Variants in CFTR observed in about 807,000 individuals in gnomAD.
CFTR encodes CF transmembrane conductance regulator.
In CFTR, 181 loss-of-function variants were observed where a neutral mutation model predicts 171.6. The ratio of observed to expected loss-of-function variants is 1.05; its 90% CI spans 0.93 to 1.19. The LOEUF is 1.19. Ranked by LOEUF, CFTR falls within the 50% of genes most tolerant of loss-of-function variation. The pLI is 0.00. For synonymous variants in CFTR, 583 were observed against 608.0 expected (o/e 0.96, Z 0.60); for missense variants, 1,968 against 1,734.7 (o/e 1.13, Z -2.39).
chr7:117,659,264 T>C (rs1793227715), intron 24 of CFTR, among the ~76,000 whole-genome samples: 1 of 152,182 alleles, frequency 6.6e-6, no homozygotes, highest in Non-Finnish European at 1.5e-5. Flanking sequence ...GTGTACCCTA[T>C]AACTCCACCC....
At position 117,591,995 on chromosome 7, in the gene CFTR, T is replaced by A. The variant is rs771007967; in HGVS notation, c.1828T>A (p.Leu610Ile). 1.9e-6 allele frequency: 3 copies of A among 1,595,396 alleles called. No homozygotes were observed. The highest frequency in any genetic ancestry group is 2.6e-6 in the Non-Finnish European group (3 of 1,175,168). ...RILVTSKMEH[L>I]KKADKILILH... ...TTTGGTCACTTCTAAAATGGAACAT[T>A]TAAAGAAAGCTGACAAAATATTAAT... The change falls in exon 14 of 27, where the codon TTA becomes ATA. Residue 610 changes from leucine (L) to isoleucine (I), a missense_variant. Coordinates refer to ENST00000003084, the MANE Select transcript of CFTR (RefSeq NM_000492.4).
chr7:117,604,552 C>T (rs1792275151), intron 17 of CFTR, among the ~76,000 whole-genome samples: 1 of 152,098 alleles, frequency 6.6e-6, no homozygotes, highest in African/African-American at 2.4e-5. Flanking sequence ...GACACAGAAA[C>T]ATTTGATATA....
At chr7:117,486,894 G>A (rs770087300) in intron 1 of CFTR, among the ~76,000 whole-genome samples, 3 of 99,218 alleles carry the variant, frequency 3.0e-5, no homozygotes, top group Admixed American at 1.2e-4. Context: ...GGGAGGGGGC[G>A]GGGAGAGAGA....
At chr7:117,539,436 T>G (rs1477522729) in intron 7 of CFTR, among the ~76,000 whole-genome samples, 1 of 152,074 alleles carries the variant, frequency 6.6e-6, no homozygotes, top group Non-Finnish European at 1.5e-5. Flanking sequence ...TTTTTTTGTT[T>G]CAAACGCAAA....
chr7:117,603,491 A>G, intron 16 of CFTR, 41 bp from the exon 17 acceptor site: 2 of 1,612,338 alleles, frequency 1.2e-6, no homozygotes, highest in East Asian at 4.5e-5. Context: ...TTCAGTAAGT[A>G]ACTTTGGCTG....
chr7:117,612,025 A>ATG lies in CFTR; in HGVS notation c.3367+218_3367+219insGT, dbSNP rs1367110526. ...AAATCGGATATATATATATATATGT[A>ATG]TATATATATATATATATATATATAT... is the stretch of plus-strand genomic sequence containing the variant. On this transcript the variant is annotated intron_variant, in intron 20 of 26. Coordinates refer to ENST00000003084, the MANE Select transcript of CFTR (RefSeq NM_000492.4). Among the ~76,000 whole-genome samples, 79 of 42,590 alleles carry ATG rather than the reference A, an allele frequency of 1.9e-3. 1 individual carries two copies. The highest frequency in any genetic ancestry group is 9.7e-3 in the African/African-American group (53 of 5,436). 27.9% of individuals were successfully genotyped at this position (42,590 alleles called of 152,430 possible).
rs543770110 is a variant in CFTR, at chr7:117,512,356, G to A, written c.273+3214G>A. 2.6e-5 allele frequency among the ~76,000 whole-genome samples: 4 copies of A among 152,098 alleles called. No individual in the cohort carries two copies. In the South Asian group the frequency reaches 6.2e-4, roughly 24 times the overall value. On this transcript the variant is annotated intron_variant, in intron 3 of 26. Coordinates refer to ENST00000003084, the MANE Select transcript of CFTR (RefSeq NM_000492.4). ...TAAGACTCCTAGCAAGTCCGGGCAC[G>A]GGGGCTCACACCTGTAATCCCAGCA...
intron 11 of CFTR, among the ~76,000 whole-genome samples, chr7:117,581,547 T>TTA (rs773244522): frequency 6.6e-6 from 1 of 152,132 alleles, no homozygotes; most frequent in Non-Finnish European, 1.5e-5. Context: ...GGCCAGCCCT[T>TTA]TATATTAAAT....
chr7:117,526,162 C>G (rs562740923), intron 3 of CFTR, among the ~76,000 whole-genome samples: 61 of 152,048 alleles, frequency 4.0e-4, no homozygotes, highest in African/African-American at 1.4e-3. Context: ...GGCTGGATAT[C>G]TCTCAGACCA....
At chr7:117,594,815 A>G (rs1039945475) in intron 14 of CFTR, 115 bp from the exon 15 acceptor site, 12 of 934,916 alleles carry the variant, frequency 1.3e-5, no homozygotes, top group Non-Finnish European at 2.0e-5. Context: ...ATTTGTTAAA[A>G]TACACTTAGA....
chr7:117,614,755 G>A (rs1792459507), intron 21 of CFTR, 42 bp downstream of exon 21: 3 of 1,306,682 alleles, frequency 2.3e-6, no homozygotes, highest in Non-Finnish European at 3.3e-6. Flanking sequence ...AAAAAATTCA[G>A]ACAAGTAACA....
In CFTR at chr7:117,535,427, C is replaced by A; in HGVS notation, c.743+16C>A. On this transcript the variant is annotated intron_variant, in intron 6 of 26. Coordinates refer to ENST00000003084, the MANE Select transcript of CFTR (RefSeq NM_000492.4). Reference sequence around the variant, plus strand: ...TGAAGTACAGGTAGCAACCTATTTTCATAACTTGAAAGTTTTAAAAATTAT... The same window carrying A: ...TGAAGTACAGGTAGCAACCTATTTTAATAACTTGAAAGTTTTAAAAATTAT... The A allele has an allele frequency of 6.2e-7, 1 of 1,610,568 alleles. No individual in the cohort carries two copies. The highest frequency in any genetic ancestry group is 8.5e-7 in the Non-Finnish European group (1 of 1,177,722).
intron 24 of CFTR, among the ~76,000 whole-genome samples, chr7:117,655,152 C>T (rs2033958980): frequency 6.6e-6 from 1 of 152,188 alleles, no homozygotes; most frequent in African/African-American, 2.4e-5. Context: ...TATGGATAGG[C>T]TGAGAATTTT....
rs1800114 is a variant in CFTR at position 117,611,641 on chromosome 7, C to A, written c.3200C>A (p.Ala1067Asp). The A allele has an allele frequency of 6.2e-7, 1 of 1,613,502 alleles. No homozygotes were observed. The highest frequency in any genetic ancestry group is 8.5e-7 in the Non-Finnish European group (1 of 1,179,714). The change falls in exon 20 of 27, where the codon GCC becomes GAC. Residue 1067 changes from alanine to aspartate, a missense_variant. Coordinates refer to ENST00000003084, the MANE Select transcript of CFTR (RefSeq NM_000492.4). ...TSLKGLWTLR[A>D]FGRQPYFETL... ...TTAAAAGGACTATGGACACTTCGTG[C>A]CTTCGGACGGCAGCCTTACTTTGAA...
intron 1 of CFTR, among the ~76,000 whole-genome samples, chr7:117,494,119 A>G (rs988348776): frequency 3.3e-5 from 5 of 152,132 alleles, no homozygotes; most frequent in African/African-American, 1.2e-4. Context: ...CATCAGTTTC[A>G]GTATTATCCT....
intron 21 of CFTR, among the ~76,000 whole-genome samples, chr7:117,620,874 G>A (rs2116112183): frequency 6.6e-6 from 1 of 152,130 alleles, no homozygotes; most frequent in Middle Eastern, 3.4e-3. Flanking sequence ...TGAGAGCCTG[G>A]GGCAGGTGGA....
chr7:117,586,696 A>C (rs1054616593), intron 11 of CFTR, among the ~76,000 whole-genome samples: 2 of 152,092 alleles, frequency 1.3e-5, no homozygotes, highest in Non-Finnish European at 1.5e-5. Flanking sequence ...AAGCATATGG[A>C]AGAGAAGTTT....
intron 5 of CFTR, among the ~76,000 whole-genome samples, chr7:117,534,605 A>G (rs1562890302): frequency 6.6e-6 from 1 of 152,202 alleles, no homozygotes; most frequent in Non-Finnish European, 1.5e-5. Flanking sequence ...TCAAAACTTA[A>G]TTCTTATCAG....
At chr7:117,602,369 C>A (rs994821149) in intron 15 of CFTR, among the ~76,000 whole-genome samples, 1 of 152,220 alleles carries the variant, frequency 6.6e-6, no homozygotes, top group African/African-American at 2.4e-5. Flanking sequence ...TAATATTAAT[C>A]TCACCTTTTC....
Sources: gnomAD v4.1 joint callset for allele counts (sites outside exome capture counted in the v4.1 genomes callset) on GRCh38, gnomAD v4.1.1 for gene constraint, MANE v1.5 for transcripts, NCBI Gene and HGNC (gene_info 2026-07-23, HGNC 2026-07-21) for gene names.